PAPPA2: variants seen among roughly 807,000 people sequenced by gnomAD.
The protein encoded by PAPPA2 is pappalysin-2.
A neutral mutation model predicts 176.4 loss-of-function variants in PAPPA2; 86 were observed. That is an observed-to-expected ratio of 0.49 (90% CI 0.41 to 0.58). The LOEUF (loss-of-function observed/expected upper bound fraction) is 0.58, where lower values mean the gene tolerates loss of function less well. PAPPA2 is among the 20% of genes least tolerant of loss of function. The pLI, the probability that PAPPA2 is intolerant of heterozygous loss-of-function variation, is 0.00. For missense variants in PAPPA2, 2,073 were observed against 2,256.9 expected (o/e 0.92, Z 1.65); for synonymous variants, 809 against 852.2 (o/e 0.95, Z 0.88).
intron 1 of PAPPA2, among the ~76,000 whole-genome samples, chr1:176,520,818 G>A (rs1247967532): frequency 5.9e-5 from 9 of 152,154 alleles, no homozygotes; most frequent in Non-Finnish European, 1.0e-4. Context: ...CCTGCCAAAT[G>A]TAATAGGCCA....
chr1:176,605,525 C>T (rs1367002165), intron 3 of PAPPA2, among the ~76,000 whole-genome samples: 1 of 152,156 alleles, frequency 6.6e-6, no homozygotes, highest in East Asian at 1.9e-4. Context: ...GTTTCTGCTC[C>T]CTTATAGCTT....
intron 3 of PAPPA2, among the ~76,000 whole-genome samples, chr1:176,637,274 G>T (rs1656757379): frequency 6.6e-6 from 1 of 152,126 alleles, no homozygotes; most frequent in South Asian, 2.1e-4. Context: ...ACTAATTATT[G>T]AGTAATGAAG....
intron 17 of PAPPA2, among the ~76,000 whole-genome samples, chr1:176,779,544 G>A (rs1664623624): frequency 6.6e-6 from 1 of 151,126 alleles, no homozygotes; most frequent in South Asian, 2.1e-4. Flanking sequence ...AGAGAGAGGA[G>A]TGTGGCTGAG....
At chr1:176,684,145 C>T (rs746254929) in intron 4 of PAPPA2, among the ~76,000 whole-genome samples, 6 of 152,162 alleles carry the variant, frequency 3.9e-5, no homozygotes, top group Non-Finnish European at 8.8e-5. Context: ...TGTTTCCTTG[C>T]TTTTCATTCT....
At position 176,806,899 on chromosome 1, in the gene PAPPA2, C is replaced by T. The variant is rs188429217; in HGVS notation, c.5202+6767C>T. 1.8e-4 allele frequency among the ~76,000 whole-genome samples: 28 copies of T among 152,252 alleles called. No homozygotes were observed. The East Asian group carries it at 5.4e-3, about 29-fold the overall frequency. On this transcript the variant is annotated intron_variant, in intron 21 of 22. Coordinates refer to ENST00000367662, the MANE Select transcript of PAPPA2 (RefSeq NM_020318.3). Reference sequence around the variant, plus strand: ...ATAGGGCCTCTTTTCAGATTTACAGCCTTCTTCTTGGTTAGCCTCAACTTC... The same window carrying T: ...ATAGGGCCTCTTTTCAGATTTACAGTCTTCTTCTTGGTTAGCCTCAACTTC...
Position 176,816,152 on chromosome 1 carries a change from GTATATATATATATATA to G in PAPPA2, c.5202+16050_5202+16065del, listed in dbSNP as rs373739173. 2.8e-3 allele frequency among the ~76,000 whole-genome samples: 118 copies of G among 42,282 alleles called. 1 individual carries two copies. Among genetic ancestry groups the G allele is most frequent in the African/African-American group, 6.9e-3 (87 of 12,572 alleles). The allele number at this position is 42,282 out of a possible 152,430, so 27.7% of individuals were successfully genotyped here. ...CTGAGATTTATTTTCCTTTCACAGT[GTATATATATATATATA>G]TATATATATATATATATATATATAT... is the stretch of plus-strand genomic sequence containing the variant. On this transcript the variant is annotated intron_variant, in intron 21 of 22. Coordinates refer to ENST00000367662, the MANE Select transcript of PAPPA2 (RefSeq NM_020318.3).
At chr1:176,643,543 T>C (rs564860879) in intron 3 of PAPPA2, among the ~76,000 whole-genome samples, 1 of 151,794 alleles carries the variant, frequency 6.6e-6, no homozygotes, top group African/African-American at 2.4e-5. Context: ...GTCTAGAGTA[T>C]ACCAGGAGTA....
intron 1 of PAPPA2, among the ~76,000 whole-genome samples, chr1:176,488,730 G>A (rs1193629205): frequency 6.6e-6 from 1 of 152,136 alleles, no homozygotes. Context: ...GTTCAGTATG[G>A]TTAGTGTATA....
chr1:176,586,972 A>G (rs1033460309), intron 2 of PAPPA2, among the ~76,000 whole-genome samples: 1 of 152,100 alleles, frequency 6.6e-6, no homozygotes, highest in African/African-American at 2.4e-5. Context: ...CTGATTTTTT[A>G]ATAATCACCA....
intron 1 of PAPPA2, among the ~76,000 whole-genome samples, chr1:176,492,970 A>G (rs1647373649): frequency 6.6e-6 from 1 of 152,230 alleles, no homozygotes; most frequent in Non-Finnish European, 1.5e-5. Context: ...ATTCAGGATA[A>G]TACCCTCTAG....
chr1:176,622,138 T>A (rs1300119760), intron 3 of PAPPA2, among the ~76,000 whole-genome samples: 1 of 152,178 alleles, frequency 6.6e-6, no homozygotes, highest in Non-Finnish European at 1.5e-5. Flanking sequence ...TTCATAGTGC[T>A]TCTGAGACAC....
chr1:176,770,900 A>G, intron 16 of PAPPA2, 67 bp from the exon 17 acceptor site: 1 of 1,474,112 alleles, frequency 6.8e-7, no homozygotes, highest in Middle Eastern at 2.4e-4. Flanking sequence ...TTTTTATTTC[A>G]TCTGCTATGA....
At chr1:176,638,245 C>G (rs1334429157) in intron 3 of PAPPA2, among the ~76,000 whole-genome samples, 1 of 151,794 alleles carries the variant, frequency 6.6e-6, no homozygotes, top group East Asian at 1.9e-4. Flanking sequence ...ATATGCACGC[C>G]ATACCCATTA....
intron 17 of PAPPA2, among the ~76,000 whole-genome samples, chr1:176,781,974 G>A (rs1238087949): frequency 6.6e-6 from 1 of 152,134 alleles, no homozygotes; most frequent in African/African-American, 2.4e-5. Context: ...TGGAAATCAT[G>A]CAATTGCCTC....
At chr1:176,490,245 T>C (rs776366885) in intron 1 of PAPPA2, among the ~76,000 whole-genome samples, 1 of 152,162 alleles carries the variant, frequency 6.6e-6, no homozygotes, top group Non-Finnish European at 1.5e-5. Context: ...TTTCAAAGGA[T>C]TTGATAAACT....
intron 14 of PAPPA2, among the ~76,000 whole-genome samples, chr1:176,754,573 C>T (rs1477685856): frequency 6.6e-6 from 1 of 151,894 alleles, no homozygotes; most frequent in African/African-American, 2.4e-5. Flanking sequence ...AAAAATAAGC[C>T]CCATGGCCCT....
At chr1:176,784,068 G>A (rs552640680) in intron 17 of PAPPA2, among the ~76,000 whole-genome samples, 2 of 152,286 alleles carry the variant, frequency 1.3e-5, no homozygotes, top group East Asian at 1.9e-4. Flanking sequence ...CGAACATTGG[G>A]TAAATCGCTT....
chr1:176,675,922 C>T (rs1204848184), intron 4 of PAPPA2, among the ~76,000 whole-genome samples: 2 of 151,926 alleles, frequency 1.3e-5, no homozygotes. Flanking sequence ...TAGGCAAAGG[C>T]GTGAACAGAC....
chr1:176,512,752 A>G (rs1245393655), intron 1 of PAPPA2, among the ~76,000 whole-genome samples: 1 of 152,228 alleles, frequency 6.6e-6, no homozygotes, highest in Non-Finnish European at 1.5e-5. Context: ...ATTTTAGTTT[A>G]TGAAAATCAT....
Sources: allele counts gnomAD v4.1 joint callset (sites outside exome capture counted in the v4.1 genomes callset), GRCh38; gene constraint gnomAD v4.1.1; transcripts MANE v1.5; gene names NCBI Gene and HGNC (gene_info 2026-07-23, HGNC 2026-07-21).